The following MTA3 variants were observed in gnomAD, a reference collection of about 807,000 sequenced individuals.
MTA3 encodes metastasis associated 1 family member 3.
MTA3 carries 34 observed loss-of-function variants against 83.5 expected under a neutral mutation model. The ratio of observed to expected loss-of-function variants is 0.41; its 90% CI spans 0.31 to 0.54. The LOEUF is 0.54. MTA3 is among the 20% of genes least tolerant of loss of function. MTA3 has a pLI of 0.33. For missense variants in MTA3, 761 were observed against 726.4 expected, an observed-to-expected ratio of 1.05 and a Z score of -0.55; for synonymous variants, 303 against 252.7, an observed-to-expected ratio of 1.20 and a Z score of -1.89.
chr2:42,545,931 G>A (rs186724590), intron 2 of MTA3, among the ~76,000 whole-genome samples: 3 of 152,252 alleles, frequency 2.0e-5, no homozygotes, highest in African/African-American at 7.2e-5. Context: ...TCTTAAGATG[G>A]GTATCTGGAA....
At chr2:42,615,006 C>G (rs1437548612) in intron 4 of MTA3, among the ~76,000 whole-genome samples, 2 of 150,144 alleles carry the variant, frequency 1.3e-5, no homozygotes, top group African/African-American at 4.9e-5. Context: ...AGCAGAAAAC[C>G]TAGGCTGGGC....
intron 2 of MTA3, among the ~76,000 whole-genome samples, chr2:42,571,461 G>C (rs1678472147): frequency 6.7e-6 from 1 of 149,276 alleles, no homozygotes; most frequent in South Asian, 2.1e-4. Context: ...ATATTCTTTT[G>C]CTTTTTTGTT....
intron 9 of MTA3, among the ~76,000 whole-genome samples, chr2:42,686,315 T>G (rs1324271392): frequency 6.6e-6 from 1 of 152,220 alleles, no homozygotes; most frequent in Non-Finnish European, 1.5e-5. Flanking sequence ...TTTCAAAATT[T>G]ATACACAGTA....
Position 42,721,370 on chromosome 2 carries a change from C to T in MTA3, c.1613-1519C>T, listed in dbSNP as rs556722424. ...TGAGATAGAGTCTCACTCTGTCACC[C>T]AGGCTGGAATACAATGTCTCCATCT... is the stretch of plus-strand genomic sequence containing the variant. On this transcript the variant is annotated intron_variant, in intron 15 of 16. Transcript: ENST00000405094. 5.3e-5 allele frequency among the ~76,000 whole-genome samples: 8 copies of T among 151,160 alleles called. No homozygotes were observed. In the East Asian group the frequency reaches 1.5e-3, roughly 29 times the overall value.
At chr2:42,623,092 G>A (rs569487869) in intron 4 of MTA3, among the ~76,000 whole-genome samples, 64 of 152,298 alleles carry the variant, frequency 4.2e-4, no homozygotes, top group Middle Eastern at 6.8e-3. Flanking sequence ...CAGTTGGGTG[G>A]TATATGGTGG....
intron 16 of MTA3, among the ~76,000 whole-genome samples, chr2:42,735,311 C>A (rs923596995): frequency 6.6e-6 from 1 of 152,132 alleles, no homozygotes; most frequent in Non-Finnish European, 1.5e-5. Flanking sequence ...TGTAAGGTTT[C>A]CACTAAGAAG....
intron 9 of MTA3, among the ~76,000 whole-genome samples, chr2:42,685,404 G>A (rs536972326): frequency 1.3e-5 from 2 of 152,272 alleles, no homozygotes; most frequent in African/African-American, 4.8e-5. Flanking sequence ...GACTTTGAAA[G>A]TCACACTTCA....
chr2:42,528,639 A>G (rs75954742), intron 2 of MTA3, among the ~76,000 whole-genome samples: 3,818 of 152,296 alleles, frequency 0.025, 153 homozygotes, highest in African/African-American at 0.087. Flanking sequence ...TGGCTTTACT[A>G]CTGAAGAGAT....
intron 5 of MTA3, among the ~76,000 whole-genome samples, chr2:42,642,343 C>T (rs1392022018): frequency 2.0e-5 from 3 of 151,996 alleles, no homozygotes; most frequent in African/African-American, 7.2e-5. Context: ...AAAAAGTGAA[C>T]TGAAGTATCT....
At chr2:42,724,722 G>C (rs1293321210) in intron 16 of MTA3, among the ~76,000 whole-genome samples, 1 of 152,046 alleles carries the variant, frequency 6.6e-6, no homozygotes, top group African/African-American at 2.4e-5. Context: ...CACACCCTGT[G>C]GTCATTCTGG....
intron 2 of MTA3, among the ~76,000 whole-genome samples, chr2:42,577,543 T>TCACCCAGGCTGGAGTGCAGA (rs1176342660): frequency 6.6e-6 from 1 of 150,928 alleles, no homozygotes; most frequent in Non-Finnish European, 1.5e-5. Flanking sequence ...TGCAGTGGTG[T>TCACCCAGGCTGGAGTGCAGA]GGTCTTGGCT....
At chr2:42,637,552 G>T (rs1009929516) in intron 4 of MTA3, among the ~76,000 whole-genome samples, 1 of 152,058 alleles carries the variant, frequency 6.6e-6, no homozygotes, top group Non-Finnish European at 1.5e-5. Flanking sequence ...ACAACTCTTG[G>T]CATGGTAATA....
chr2:42,731,417 C>G (rs942026104), intron 16 of MTA3, among the ~76,000 whole-genome samples: 1 of 152,130 alleles, frequency 6.6e-6, no homozygotes, highest in Non-Finnish European at 1.5e-5. Context: ...GTTCCATATG[C>G]CTGGGGAAGT....
intron 9 of MTA3, among the ~76,000 whole-genome samples, chr2:42,693,555 G>T (rs1693106852): frequency 6.6e-6 from 1 of 152,138 alleles, no homozygotes; most frequent in Non-Finnish European, 1.5e-5. Flanking sequence ...AGTTCTGCCA[G>T]GCCACCTCCA....
intron 6 of MTA3, 143 bp downstream of exon 6, chr2:42,644,387 A>C (rs1687971175): frequency 1.3e-5 from 7 of 538,220 alleles, no homozygotes; most frequent in Admixed American, 7.2e-5. Flanking sequence ...CTTTGTAAAA[A>C]ATAAAAAATA....
At chr2:42,701,061 G>A (rs1053266420) in intron 11 of MTA3, among the ~76,000 whole-genome samples, 1 of 152,020 alleles carries the variant, frequency 6.6e-6, no homozygotes, top group Non-Finnish European at 1.5e-5. Context: ...TCATGCCACC[G>A]CACTCTAGTC....
At chr2:42,600,645 G>A (rs536766492) in intron 3 of MTA3, among the ~76,000 whole-genome samples, 4 of 151,732 alleles carry the variant, frequency 2.6e-5, no homozygotes, top group African/African-American at 9.7e-5. Flanking sequence ...GGGTTCAAGC[G>A]ATTCTTGTGC....
At chr2:42,727,302 A>G (rs1667898702) in intron 16 of MTA3, among the ~76,000 whole-genome samples, 1 of 152,224 alleles carries the variant, frequency 6.6e-6, no homozygotes, top group African/African-American at 2.4e-5. Context: ...AAAATTAGAG[A>G]TCTGCACAGT....
intron 8 of MTA3, among the ~76,000 whole-genome samples, chr2:42,681,694 A>G (rs1451971871): frequency 6.6e-6 from 1 of 151,464 alleles, no homozygotes; most frequent in Admixed American, 6.6e-5. Flanking sequence ...TTATTTTTGC[A>G]GAGACAGGTC....
Sources: gnomAD v4.1 joint callset for allele counts (sites outside exome capture counted in the v4.1 genomes callset) on GRCh38, gnomAD v4.1.1 for gene constraint, MANE v1.5 for transcripts, NCBI Gene and HGNC (gene_info 2026-07-23, HGNC 2026-07-21) for gene names.